ARHGAP42: variants seen among roughly 807,000 people sequenced by gnomAD.
The protein encoded by ARHGAP42 is Rho GTPase activating protein 42.
A neutral mutation model predicts 125.0 loss-of-function variants in ARHGAP42; 63 were observed. The observed-to-expected ratio is 0.50, with a 90% CI of 0.41 to 0.62. The LOEUF (loss-of-function observed/expected upper bound fraction) is 0.62, where lower values mean the gene tolerates loss of function less well. Ranked by LOEUF, ARHGAP42 falls within the 20% of genes least tolerant of loss-of-function variation. The pLI, the probability that ARHGAP42 is intolerant of heterozygous loss-of-function variation, is 0.00. For missense variants in ARHGAP42, 766 were observed against 1,024.2 expected (o/e 0.75, Z 3.44); for synonymous variants, 339 against 351.0 (o/e 0.97, Z 0.38).
At position 100,767,136 on chromosome 11, in the gene ARHGAP42, A is replaced by G. The variant is rs1316703795; in HGVS notation, c.155-3207A>G. Among the ~76,000 whole-genome samples the G allele has an allele frequency of 2.6e-5, 4 of 152,296 alleles. No individual in the cohort carries two copies. In the East Asian group the frequency reaches 7.7e-4, roughly 29 times the overall value. ...CAAGAGTTGCCATCTTCATAACTGAAACTGAAATTTTTCTTTTTCCTTTCT... is the reference window on the plus strand; with the variant it reads ...CAAGAGTTGCCATCTTCATAACTGAGACTGAAATTTTTCTTTTTCCTTTCT... On this transcript the variant is annotated intron_variant, in intron 1 of 23. Transcript: ENST00000298815.
chr11:100,839,956 A>G (rs185231419), intron 3 of ARHGAP42: 58 of 152,294 alleles, frequency 3.8e-4, no homozygotes, highest in African/African-American at 1.3e-3. Flanking sequence ...GCCAGACCAT[A>G]CTGTCAACTT....
intron 4 of ARHGAP42, among the ~76,000 whole-genome samples, chr11:100,890,755 A>T (rs1866196983): frequency 2.0e-5 from 3 of 152,204 alleles, no homozygotes; most frequent in Admixed American, 1.3e-4. Flanking sequence ...AGGGACTAAT[A>T]GTTAATTAAT....
chr11:100,978,610 T>C (rs1453069129), intron 21 of ARHGAP42, among the ~76,000 whole-genome samples: 1 of 152,236 alleles, frequency 6.6e-6, no homozygotes, highest in African/African-American at 2.4e-5. Flanking sequence ...ACAACAGTTC[T>C]TTTGTCATGT....
intron 4 of ARHGAP42, among the ~76,000 whole-genome samples, chr11:100,879,286 A>T (rs1371063656): frequency 6.6e-6 from 1 of 152,086 alleles, no homozygotes; most frequent in African/African-American, 2.4e-5. Flanking sequence ...GGTCCTCTCT[A>T]TTTGGGGGGT....
At chr11:100,882,126 A>G (rs112396421) in intron 4 of ARHGAP42, among the ~76,000 whole-genome samples, 7,379 of 152,200 alleles carry the variant, frequency 0.048, 231 homozygotes, top group African/African-American at 0.09. Context: ...TTCCGGCACT[A>G]TGTTGAAGAG....
chr11:100,941,710 A>T (rs1481373415), intron 8 of ARHGAP42, 74 bp from the exon 9 acceptor site: 1 of 828,564 alleles, frequency 1.2e-6, no homozygotes, highest in Non-Finnish European at 1.9e-6. Context: ...ATATCATAGC[A>T]CTGGAGAATG....
At chr11:100,796,148 C>G (rs954532863) in intron 3 of ARHGAP42, among the ~76,000 whole-genome samples, 1 of 152,118 alleles carries the variant, frequency 6.6e-6, no homozygotes, top group African/African-American at 2.4e-5. Flanking sequence ...TACTTTCTGT[C>G]TCTGTGTCAC....
intron 10 of ARHGAP42, among the ~76,000 whole-genome samples, chr11:100,947,444 T>G (rs1868056889): frequency 6.6e-6 from 1 of 151,978 alleles, no homozygotes. Flanking sequence ...TTTATTAAAC[T>G]CTGTACTTAG....
At position 100,820,153 on chromosome 11, in the gene ARHGAP42, A is replaced by G. The variant is rs115802711; in HGVS notation, c.312+24987A>G. ...CTAATTACTAATGGAGTGTGATTGT[A>G]TCTTCCTTTCTCTAGTTTCATAGCT... On this transcript the variant is annotated intron_variant, in intron 3 of 23. Coordinates refer to ENST00000298815, the MANE Select transcript of ARHGAP42 (RefSeq NM_152432.4). Among the ~76,000 whole-genome samples, 1,464 of 152,198 alleles carry G rather than the reference A, an allele frequency of 9.6e-3. 18 individuals carry two copies. Among genetic ancestry groups the G allele is most frequent in the African/African-American group, 0.033 (1,389 of 41,542 alleles).
chr11:100,962,597 C>T, intron 16 of ARHGAP42, 130 bp downstream of exon 16: 1 of 835,802 alleles, frequency 1.2e-6, no homozygotes, highest in Non-Finnish European at 1.8e-6. Context: ...TTAATCTGGG[C>T]CGGGTGCGGT....
intron 3 of ARHGAP42, among the ~76,000 whole-genome samples, chr11:100,798,991 C>T (rs185635328): frequency 3.0e-4 from 46 of 152,198 alleles, no homozygotes; most frequent in Admixed American, 7.8e-4. Flanking sequence ...AAGTGGGAGA[C>T]AGTTCTGTAT....
chr11:100,814,507 A>G (rs1463701201), intron 3 of ARHGAP42, among the ~76,000 whole-genome samples: 1 of 152,218 alleles, frequency 6.6e-6, no homozygotes, highest in Non-Finnish European at 1.5e-5. Flanking sequence ...AAAGAAATAC[A>G]TGAGACTGGG....
chr11:100,763,925 G>A (rs1451086485), intron 1 of ARHGAP42, among the ~76,000 whole-genome samples: 1 of 151,964 alleles, frequency 6.6e-6, no homozygotes, highest in Non-Finnish European at 1.5e-5. Context: ...AATTTATATA[G>A]CAGGTAAAGG....
chr11:100,959,456 C>A (rs1450297341), intron 12 of ARHGAP42, among the ~76,000 whole-genome samples: 1 of 152,072 alleles, frequency 6.6e-6, no homozygotes, highest in Non-Finnish European at 1.5e-5. Context: ...CCCAGGGAAT[C>A]ATCTTAAGAC....
At chr11:100,700,980 A>G (rs1861386301) in intron 1 of ARHGAP42, among the ~76,000 whole-genome samples, 1 of 152,206 alleles carries the variant, frequency 6.6e-6, no homozygotes, top group Non-Finnish European at 1.5e-5. Context: ...TGTATCTCTT[A>G]AATCATAAGA....
rs191775242 is a variant in ARHGAP42, at chr11:100,759,120, T to C, written c.155-11223T>C. Among the ~76,000 whole-genome samples, 173 of 152,250 alleles carry C rather than the reference T, an allele frequency of 1.1e-3. 1 individual carries two copies. Among genetic ancestry groups the C allele is most frequent in the Non-Finnish European group, 6.3e-4 (43 of 68,018 alleles). ...AATGTTGAGATTGTAGGTTAGCAGGTAAAAATGTCCGGACTGCTTTTGTCA... is the reference window on the plus strand; with the variant it reads ...AATGTTGAGATTGTAGGTTAGCAGGCAAAAATGTCCGGACTGCTTTTGTCA... On this transcript the variant is annotated intron_variant, in intron 1 of 23. Transcript: ENST00000298815.
intron 1 of ARHGAP42, among the ~76,000 whole-genome samples, chr11:100,732,990 T>C (rs914583747): frequency 1.3e-5 from 2 of 152,220 alleles, no homozygotes; most frequent in African/African-American, 4.8e-5. Flanking sequence ...GTTAACACAC[T>C]TCATATTACT....
intron 4 of ARHGAP42, among the ~76,000 whole-genome samples, chr11:100,906,511 G>T (rs1408960742): frequency 6.6e-6 from 1 of 151,874 alleles, no homozygotes; most frequent in Non-Finnish European, 1.5e-5. Flanking sequence ...ATTTTATGAT[G>T]ACATGCCTTT....
At chr11:100,892,267 G>C (rs568860101) in intron 4 of ARHGAP42, among the ~76,000 whole-genome samples, 1 of 152,268 alleles carries the variant, frequency 6.6e-6, no homozygotes, top group South Asian at 2.1e-4. Flanking sequence ...GATCAGGTGG[G>C]TGTTAATTAA....
Sources: gnomAD v4.1 joint callset for allele counts (sites outside exome capture counted in the v4.1 genomes callset) on GRCh38, gnomAD v4.1.1 for gene constraint, MANE v1.5 for transcripts, NCBI Gene and HGNC (gene_info 2026-07-23, HGNC 2026-07-21) for gene names.